Variants in KIAA1217 observed in about 807,000 individuals in gnomAD.
The protein encoded by KIAA1217 is sickle tail protein homolog.
KIAA1217 carries 88 observed loss-of-function variants against 163.9 expected under a neutral mutation model. That is an observed-to-expected ratio of 0.54 (90% CI 0.45 to 0.64). The LOEUF (loss-of-function observed/expected upper bound fraction) is 0.64. KIAA1217 is among the 30% of genes least tolerant of loss of function. KIAA1217 has a pLI of 0.00. For synonymous variants in KIAA1217, 903 were observed against 923.1 expected, an observed-to-expected ratio of 0.98 and a Z score of 0.39; for missense variants, 2,372 against 2,475.0, an observed-to-expected ratio of 0.96 and a Z score of 0.88.
intron 1 of KIAA1217, among the ~76,000 whole-genome samples, chr10:23,970,716 G>A (rs1435041992): frequency 2.6e-5 from 4 of 152,102 alleles, no homozygotes; most frequent in African/African-American, 9.7e-5. Flanking sequence ...AAATTCTAAG[G>A]CCACCAACCA....
chr10:24,129,990 C>T (rs761883832), intron 2 of KIAA1217, among the ~76,000 whole-genome samples: 18 of 152,112 alleles, frequency 1.2e-4, no homozygotes, highest in Non-Finnish European at 2.4e-4. Flanking sequence ...CCCCCTTCCT[C>T]CTTTCCTAAT....
At chr10:24,000,784 G>A (rs1310051069) in intron 1 of KIAA1217, among the ~76,000 whole-genome samples, 5 of 152,228 alleles carry the variant, frequency 3.3e-5, no homozygotes, top group Admixed American at 1.3e-4. Flanking sequence ...GTTGGATGCC[G>A]TGCCTTGTCT....
chr10:24,463,150 T>A (rs1023244096), intron 5 of KIAA1217, among the ~76,000 whole-genome samples: 19 of 152,188 alleles, frequency 1.2e-4, no homozygotes, highest in Admixed American at 8.5e-4. Context: ...TGAGTGTCAG[T>A]GAGAAGGACA....
intron 2 of KIAA1217, among the ~76,000 whole-genome samples, chr10:24,346,643 T>C (rs2047825962): frequency 7.3e-6 from 1 of 137,644 alleles, no homozygotes; most frequent in African/African-American, 2.7e-5. Flanking sequence ...TGATCTCAGC[T>C]CACTGCAACC....
intron 1 of KIAA1217, among the ~76,000 whole-genome samples, chr10:23,919,029 C>T (rs1395926577): frequency 6.6e-6 from 1 of 152,104 alleles, no homozygotes; most frequent in African/African-American, 2.4e-5. Flanking sequence ...GTCACAGATA[C>T]AGATGACTCA....
At chr10:24,415,489 GA>G (rs200031919) in intron 3 of KIAA1217, among the ~76,000 whole-genome samples, 73 of 147,038 alleles carry the variant, frequency 5.0e-4, no homozygotes, top group Admixed American at 1.3e-3. Context: ...TGCTCTTGGG[GA>G]AAAAAAAAAG....
chr10:24,376,640 T>C (rs2052531620), intron 2 of KIAA1217, among the ~76,000 whole-genome samples: 1 of 152,152 alleles, frequency 6.6e-6, no homozygotes, highest in Admixed American at 6.5e-5. Context: ...TACACACCTG[T>C]AGTCCCAGCT....
chr10:24,364,761 C>CCTTT (rs770632529), intron 2 of KIAA1217, among the ~76,000 whole-genome samples: 1 of 151,860 alleles, frequency 6.6e-6, no homozygotes, highest in African/African-American at 2.4e-5. Context: ...TGCCTTCCTT[C>CCTTT]CTTTCTTTCT....
At chr10:24,180,522 T>C (rs2066126838) in intron 2 of KIAA1217, among the ~76,000 whole-genome samples, 1 of 152,084 alleles carries the variant, frequency 6.6e-6, no homozygotes, top group Admixed American at 6.6e-5. Flanking sequence ...GCTCTACGAT[T>C]TTCCTCCTCT....
At chr10:24,266,012 T>A (rs1376391219) in intron 2 of KIAA1217, among the ~76,000 whole-genome samples, 6 of 151,926 alleles carry the variant, frequency 3.9e-5, no homozygotes, top group Non-Finnish European at 7.4e-5. Context: ...AAAGATACTT[T>A]GTTTTATACA....
intron 2 of KIAA1217, among the ~76,000 whole-genome samples, chr10:24,274,122 G>A (rs1564385154): frequency 6.6e-6 from 1 of 152,196 alleles, no homozygotes; most frequent in Non-Finnish European, 1.5e-5. Flanking sequence ...AAACTGAAAA[G>A]TGACTGATGC....
At chr10:24,133,416 A>G (rs368967014) in intron 2 of KIAA1217, among the ~76,000 whole-genome samples, 56 of 152,104 alleles carry the variant, frequency 3.7e-4, no homozygotes, top group African/African-American at 1.2e-3. Flanking sequence ...TATTAAAAAT[A>G]CAAAAATTAG....
At chr10:23,908,052 T>A (rs986669418) in intron 1 of KIAA1217, among the ~76,000 whole-genome samples, 1 of 151,924 alleles carries the variant, frequency 6.6e-6, no homozygotes, top group Non-Finnish European at 1.5e-5. Flanking sequence ...GCATTTGCAA[T>A]GTGAGCAAAT....
chr10:24,067,895 C>T (rs2061026708), intron 2 of KIAA1217, among the ~76,000 whole-genome samples: 1 of 152,176 alleles, frequency 6.6e-6, no homozygotes, highest in Admixed American at 6.5e-5. Context: ...TCTCAGACTG[C>T]TGTGCTAGCA....
At chr10:23,723,961 G>A (rs184990897) in intron 1 of KIAA1217, among the ~76,000 whole-genome samples, 42 of 152,200 alleles carry the variant, frequency 2.8e-4, no homozygotes, top group African/African-American at 9.4e-4. Flanking sequence ...AGGAAGCTTC[G>A]AATCATAGCG....
At chr10:23,762,357 A>G (rs890145222) in intron 1 of KIAA1217, among the ~76,000 whole-genome samples, 3 of 152,134 alleles carry the variant, frequency 2.0e-5, no homozygotes, top group Non-Finnish European at 4.4e-5. Context: ...ATGAACATCA[A>G]TGTGAAATCC....
At chr10:23,702,666 TACACACAC>T (rs377621544) in intron 1 of KIAA1217, among the ~76,000 whole-genome samples, 1,861 of 134,402 alleles carry the variant, frequency 0.014, 41 homozygotes, top group African/African-American at 0.047. Flanking sequence ...AACAGGAGAA[TACACACAC>T]ACACACACAC....
At chr10:24,384,584 T>C (rs1433587596) in intron 3 of KIAA1217, among the ~76,000 whole-genome samples, 1 of 152,224 alleles carries the variant, frequency 6.6e-6, no homozygotes, top group Non-Finnish European at 1.5e-5. Flanking sequence ...TCGCCCAGGC[T>C]GGAGTGCAGT....
chr10:24,183,390 T>G (rs10828614), intron 2 of KIAA1217, among the ~76,000 whole-genome samples: 101,375 of 151,996 alleles, frequency 0.67, 34,778 homozygotes, highest in Middle Eastern at 0.77. Flanking sequence ...TTCTACCTCT[T>G]TTCTTCTGAT....
Sources: allele counts gnomAD v4.1 joint callset (sites outside exome capture counted in the v4.1 genomes callset), GRCh38; gene constraint gnomAD v4.1.1; transcripts MANE v1.5; gene names NCBI Gene and HGNC (gene_info 2026-07-23, HGNC 2026-07-21).